Variants in COL11A2 observed in about 807,000 individuals in gnomAD.
COL11A2 encodes collagen type XI alpha 2 chain.
COL11A2 carries 116 observed loss-of-function variants against 273.4 expected under a neutral mutation model. The observed-to-expected ratio is 0.42, with a 90% confidence interval of 0.36 to 0.49. The LOEUF (loss-of-function observed/expected upper bound fraction) is 0.49, where lower values mean the gene tolerates loss of function less well. Among genes scored for constraint, COL11A2 ranks in the 20% least tolerant of loss-of-function variants. The pLI is 0.00. For synonymous variants in COL11A2, 782 were observed against 864.2 expected (o/e 0.90, Z 1.67); for missense variants, 1,866 against 2,309.0 (o/e 0.81, Z 3.93).
chr6:33,170,710 G>A lies in COL11A2; in HGVS notation c.3474+100C>T. Reference sequence around the variant, plus strand: ...AGTCCCCTCCCCTCAGACTCCGCAGGCCCTCCAGTCTGCATCGGCAGGCTG... The same window carrying A: ...AGTCCCCTCCCCTCAGACTCCGCAGACCCTCCAGTCTGCATCGGCAGGCTG... On this transcript the variant is annotated intron_variant, in intron 46 of 65. Transcript: ENST00000341947. The surrounding 1 kb of genome is among the most constrained non-coding windows in gnomAD (Gnocchi z 4.3). 1.3e-6 allele frequency: 2 copies of A among 1,583,144 alleles called. No individual in the cohort carries two copies. The highest frequency in any genetic ancestry group is 1.1e-5 in the South Asian group (1 of 90,440).
intron 1 of COL11A2, among the ~76,000 whole-genome samples, chr6:33,191,548 G>C (rs1773108643): frequency 6.6e-6 from 1 of 152,224 alleles, no homozygotes. Flanking sequence ...AGTTGGCTCT[G>C]GCCTCAGACA....
chr6:33,173,670 C>T lies in COL11A2; in HGVS notation c.2628+31G>A. 3.2e-6 allele frequency: 5 copies of T among 1,560,900 alleles called. No homozygotes were observed. Among genetic ancestry groups the T allele is most frequent in the Non-Finnish European group, 4.3e-6 (5 of 1,150,236 alleles). ...GCTCACCCAGGCTCCCTGGGGACCTCAGGGGAAGGGGACTTTCGATCCACA... is the reference window on the plus strand; with the variant it reads ...GCTCACCCAGGCTCCCTGGGGACCTTAGGGGAAGGGGACTTTCGATCCACA... On this transcript the variant is annotated intron_variant, in intron 35 of 65. Transcript: ENST00000341947. The surrounding 1 kb of genome is among the most constrained non-coding windows in gnomAD (Gnocchi z 6.3).
intron 52 of COL11A2, 70 bp downstream of exon 52, chr6:33,168,885 G>A (rs1364940610): frequency 2.8e-5 from 44 of 1,574,674 alleles, no homozygotes; most frequent in African/African-American, 4.3e-5. Context: ...CAAGCCCAGC[G>A]GCCACACAGA....
At position 33,176,495 on chromosome 6, in the gene COL11A2, T is replaced by C. The variant is rs1770923493; in HGVS notation, c.2116-9A>G. On this transcript the variant is annotated splice_polypyrimidine_tract_variant and intron_variant, in intron 26 of 65. Coordinates refer to ENST00000341947, the MANE Select transcript of COL11A2 (RefSeq NM_080680.3). This position sits in a 1 kb window ranked among gnomAD's most constrained non-coding sequence, Gnocchi z 4.9. ...TGAGGTCCAGAGGGACCCTGGAAGA[T>C]AAAAGAGAGGCATTTATAAAGGGGC... The C allele has an allele frequency of 6.2e-7, 1 of 1,611,640 alleles. No individual in the cohort carries two copies. The highest frequency in any genetic ancestry group is 8.5e-7 in the Non-Finnish European group (1 of 1,179,046).
chr6:33,168,419 C>T (rs1020473299), intron 54 of COL11A2, 100 bp downstream of exon 54: 14 of 1,318,260 alleles, frequency 1.1e-5, no homozygotes, highest in Admixed American at 1.7e-5. Context: ...GCAATGCAGA[C>T]ACCAGGCACC....
In COL11A2 at chr6:33,169,966, G is replaced by A. The variant is rs1583304809; in HGVS notation, c.3636+81C>T. 29 of 1,612,414 alleles carry A rather than the reference G, an allele frequency of 1.8e-5. 1 individual carries two copies. The South Asian group carries it at 2.0e-4, about 11-fold the overall frequency. ...TATTCCCCACATCTCATTCTCTTTTGTCTCCCCACCCAAAATTGGCAGAAA... is the reference window on the plus strand; with the variant it reads ...TATTCCCCACATCTCATTCTCTTTTATCTCCCCACCCAAAATTGGCAGAAA... On this transcript the variant is annotated intron_variant, in intron 49 of 65. Transcript: ENST00000341947. This position sits in a 1 kb window ranked among gnomAD's most constrained non-coding sequence, Gnocchi z 5.5.
At position 33,192,336 on chromosome 6, in the gene COL11A2, C is replaced by G. The variant is rs1773235657; in HGVS notation, c.-96G>C. ...CAGAAGACAGGGAGCAGACTATGAG[C>G]CTCAGACGCCGGGGTCCCAGGGAGG... is the stretch of plus-strand genomic sequence containing the variant. On this transcript the variant is annotated 5_prime_UTR_variant, in exon 1 of 66. Transcript: ENST00000341947. 8.2e-7 allele frequency: 1 copy of G among 1,214,942 alleles called. No individual in the cohort carries two copies. Among genetic ancestry groups the G allele is most frequent in the Non-Finnish European group, 1.2e-6 (1 of 850,238 alleles). 75.3% of individuals were successfully genotyped at this position (1,214,942 alleles called of 1,614,324 possible). A position where few individuals can be genotyped will look rare whatever the true frequency, so the allele number is the denominator to read the frequency against.
At chr6:33,171,894 T>A (rs1770139730) in intron 41 of COL11A2, 74 bp from the exon 42 acceptor site, 1 of 1,566,752 alleles carries the variant, frequency 6.4e-7, no homozygotes, top group Admixed American at 1.7e-5. Context: ...CAGACCACAA[T>A]TCCCAAAAGC....
Position 33,169,857 on chromosome 6 carries a change from C to G in COL11A2, c.3664G>C (p.Gly1222Arg). 4.3e-6 allele frequency: 7 copies of G among 1,614,148 alleles called. No individual in the cohort carries two copies. The highest frequency in any genetic ancestry group is 5.9e-6 in the Non-Finnish European group (7 of 1,180,010). Residue 1222 changes from glycine to arginine, a missense_variant, in exon 50 of 66, where the codon GGG (glycine) becomes CGG (arginine). By Grantham distance (125) the Gly-to-Arg change is moderately radical. Coordinates refer to ENST00000341947, the MANE Select transcript of COL11A2 (RefSeq NM_080680.3). The surrounding 1 kb of genome is among the most constrained non-coding windows in gnomAD (Gnocchi z 5.5). ...KGEPGESGSP[G>R]IQGEPGVKGP... ...TTGACACCTGGCTCGCCCTGGATCC[C>G]TGGAGATCCTGACTCTCCTGGTTCC...
rs1476064351 is a variant in COL11A2 at position 33,171,718 on chromosome 6, C to T, written c.3145G>A (p.Val1049Ile). Residue 1049 changes from valine (V) to isoleucine (I), a missense_variant, in exon 42 of 66, where the codon GTC becomes ATC. Physicochemically the swap from Val to Ile is conservative, Grantham distance 29 (BLOSUM62 3). Transcript: ENST00000341947. The part of the protein sequence containing the change: ...GPPGAAGEKG[V>I]PGEKGPIGPT... ...CCCAATACCCCCACACTCACTGGGA[C>T]ACCTTTCTCTCCTGCTGCTCCAGGG... 1 of 1,612,700 alleles carries T rather than the reference C, an allele frequency of 6.2e-7. No individual in the cohort carries two copies. Among genetic ancestry groups the T allele is most frequent in the Non-Finnish European group, 8.5e-7 (1 of 1,179,910 alleles).
In COL11A2 at chr6:33,192,257, C is replaced by T. The variant is rs2150637778; in HGVS notation, c.-17G>A. The T allele has an allele frequency of 6.4e-7, 1 of 1,551,936 alleles. No individual in the cohort carries two copies. The highest frequency in any genetic ancestry group is 8.7e-7 in the Non-Finnish European group (1 of 1,148,006). On this transcript the variant is annotated 5_prime_UTR_variant, in exon 1 of 66. Transcript: ENST00000341947. ...CCGCTCCATGGCTGAGAAGCCGAAA[C>T]GCCGGGTCCCAGGGACCCAGGTCGG...
At chr6:33,192,617 T>G (rs972741607), upstream of COL11A2, 17 of 376,460 alleles carry the variant, frequency 4.5e-5, no homozygotes, top group Admixed American at 8.6e-5. Context: ...CCTCTATCGC[T>G]CGCTCTCTCC....
At chr6:33,174,476 CGAAGAGGAGGAGG>C (rs750979955) in intron 31 of COL11A2, 38 bp downstream of exon 31, 6 of 1,601,016 alleles carry the variant, frequency 3.7e-6, no homozygotes, top group Non-Finnish European at 5.1e-6. Context: ...ATCAGGGAAG[CGAAGAGGAGGAGG>C]GAAGAGGAGG....
Position 33,163,445 on chromosome 6 carries a change from C to T in COL11A2, c.*233G>A, listed in dbSNP as rs185123433. 5.4e-4 allele frequency: 329 copies of T among 609,694 alleles called. 1 individual carries two copies. Among genetic ancestry groups the T allele is most frequent in the African/African-American group, 4.7e-3 (254 of 54,042 alleles). The allele number at this position is 609,694 out of a possible 1,614,324, so 37.8% of individuals were successfully genotyped here. Reference sequence around the variant, plus strand: ...TTAAATAAGGGTCTCAGCTCTCTAACGGGTAACAGGCTCCAGGTGGGAGGG... The same window carrying T: ...TTAAATAAGGGTCTCAGCTCTCTAATGGGTAACAGGCTCCAGGTGGGAGGG... On this transcript the variant is annotated 3_prime_UTR_variant, in exon 66 of 66. Transcript: ENST00000341947. This position sits in a 1 kb window ranked among gnomAD's most constrained non-coding sequence, Gnocchi z 4.1.
At position 33,167,986 on chromosome 6, in the gene COL11A2, C is replaced by T. The variant is rs1002045679; in HGVS notation, c.3961-134G>A. 2.0e-5 allele frequency: 18 copies of T among 899,810 alleles called. No homozygotes were observed. The highest frequency in any genetic ancestry group is 5.6e-5 in the South Asian group (4 of 71,350). The allele number at this position is 899,810 out of a possible 1,614,324, so 55.7% of individuals were successfully genotyped here. A position where few individuals can be genotyped will look rare whatever the true frequency, so the allele number is the denominator to read the frequency against. ...ATACACAGGGACACGCGCCGAGGGC[C>T]GATTCACAGATGTGCAGAACAGATA... On this transcript the variant is annotated intron_variant, in intron 54 of 65. Coordinates refer to ENST00000341947, the MANE Select transcript of COL11A2 (RefSeq NM_080680.3). This position sits in a 1 kb window ranked among gnomAD's most constrained non-coding sequence, Gnocchi z 6.1.
chr6:33,192,197 G>C lies in COL11A2; in HGVS notation c.44C>G (p.Pro15Arg), dbSNP rs1036079993. 1 of 1,566,734 alleles carries C rather than the reference G, an allele frequency of 6.4e-7. No homozygotes were observed. Among genetic ancestry groups the C allele is most frequent in the Non-Finnish European group, 8.7e-7 (1 of 1,155,764 alleles). Residue 15 changes from proline (P) to arginine (R), a missense_variant, in exon 1 of 66, where the codon CCT (proline) becomes CGT (arginine). By Grantham distance (103) the Pro-to-Arg change is moderately radical. Coordinates refer to ENST00000341947, the MANE Select transcript of COL11A2 (RefSeq NM_080680.3). Reference protein sequence around the residue: ...SRCHRLLLLLPLVLGLSAAPG... With the variant: ...SRCHRLLLLLRLVLGLSAAPG... ...GGCCGCGCTCAGCCCCAGCACCAGA[G>C]GTAGGAGGAGGAGGAGGCGATGGCA...
chr6:33,184,178 A>T lies in COL11A2; in HGVS notation c.1086T>A (p.Pro362=). ...AGTGGGCTGTCTCCGCAGAGAGGGCAGGGCCAAGCTCTGTCTCCTCACGAT... is the reference window on the plus strand; with the variant it reads ...AGTGGGCTGTCTCCGCAGAGAGGGCTGGGCCAAGCTCTGTCTCCTCACGAT... ...DDYREETELG[P]ALSAETAHSG... The change falls in exon 8 of 66, where the codon CCT becomes CCA. Residue 362 remains proline, a synonymous_variant. Transcript: ENST00000341947. The T allele has an allele frequency of 2.2e-6, 3 of 1,367,444 alleles. No homozygotes were observed. Among genetic ancestry groups the T allele is most frequent in the Non-Finnish European group, 2.9e-6 (3 of 1,022,000 alleles). 84.7% of individuals were successfully genotyped at this position (1,367,444 alleles called of 1,614,324 possible). A position where few individuals can be genotyped will look rare whatever the true frequency, so the allele number is the denominator to read the frequency against.
At chr6:33,193,377 C>A (rs927715132), upstream of COL11A2, among the ~76,000 whole-genome samples, 3 of 146,976 alleles carry the variant, frequency 2.0e-5, no homozygotes, top group South Asian at 2.2e-4. Flanking sequence ...CCACCGCCCC[C>A]CCTTCCTCCT....
rs1172122244 is a variant in COL11A2, at chr6:33,176,501, A to C, written c.2116-15T>G. ...CCAGAGGGACCCTGGAAGATAAAAGAGAGGCATTTATAAAGGGGCCTCAGA... is the reference window on the plus strand; with the variant it reads ...CCAGAGGGACCCTGGAAGATAAAAGCGAGGCATTTATAAAGGGGCCTCAGA... On this transcript the variant is annotated splice_polypyrimidine_tract_variant and intron_variant, in intron 26 of 65. Coordinates refer to ENST00000341947, the MANE Select transcript of COL11A2 (RefSeq NM_080680.3). This position sits in a 1 kb window ranked among gnomAD's most constrained non-coding sequence, Gnocchi z 4.9. 1 of 1,610,884 alleles carries C rather than the reference A, an allele frequency of 6.2e-7. No homozygotes were observed. The highest frequency in any genetic ancestry group is 1.7e-5 in the Admixed American group (1 of 59,992).
Sources: allele counts gnomAD v4.1 joint callset (sites outside exome capture counted in the v4.1 genomes callset), GRCh38; gene constraint gnomAD v4.1.1; non-coding constraint Gnocchi (gnomAD v3.1); transcripts MANE v1.5; gene names NCBI Gene and HGNC (gene_info 2026-07-23, HGNC 2026-07-21).